NCAM1: variants seen among roughly 807,000 people sequenced by gnomAD.
NCAM1 encodes antigen recognized by monoclonal antibody 5.1H11.
In NCAM1, 14 loss-of-function variants were observed where a neutral mutation model predicts 109.8. The observed-to-expected ratio is 0.13, with a 90% confidence interval of 0.08 to 0.20. The LOEUF is 0.20. Among genes scored for constraint, NCAM1 ranks in the 10% least tolerant of loss-of-function variants. NCAM1 has a pLI of 1.00. For missense variants in NCAM1, 774 were observed against 1,109.9 expected (o/e 0.70, Z 4.30); for synonymous variants, 418 against 442.9 (o/e 0.94, Z 0.70).
At chr11:113,271,389 A>AG (rs1946268803) in intron 18 of NCAM1, among the ~76,000 whole-genome samples, 1 of 151,592 alleles carries the variant, frequency 6.6e-6, no homozygotes, top group Non-Finnish European at 1.5e-5. Flanking sequence ...AAAAAAAAAA[A>AG]AAAAAAAGAA....
chr11:113,161,683 T>C (rs1942604797), intron 1 of NCAM1, among the ~76,000 whole-genome samples: 1 of 152,208 alleles, frequency 6.6e-6, no homozygotes, highest in East Asian at 1.9e-4. Flanking sequence ...CCTTGTTTCC[T>C]CTTAAGCATG....
At chr11:113,023,149 A>G (rs1402927467) in intron 1 of NCAM1, among the ~76,000 whole-genome samples, 6 of 152,244 alleles carry the variant, frequency 3.9e-5, no homozygotes, top group African/African-American at 4.8e-5. Context: ...TTATGCAAAT[A>G]TCAGAGCGGC....
intron 1 of NCAM1, chr11:113,133,536 T>A (rs1310264880): frequency 2.0e-5 from 3 of 152,194 alleles, no homozygotes; most frequent in African/African-American, 7.2e-5. Flanking sequence ...CACTGGGAAT[T>A]TTTTTACTTT....
chr11:113,052,196 C>G (rs1268162120), intron 1 of NCAM1, among the ~76,000 whole-genome samples: 5 of 152,108 alleles, frequency 3.3e-5, no homozygotes, highest in Non-Finnish European at 5.9e-5. Flanking sequence ...CTGGTGATAC[C>G]TACCTAAGGG....
intron 1 of NCAM1, among the ~76,000 whole-genome samples, chr11:113,155,323 A>G (rs1408729547): frequency 7.9e-5 from 12 of 152,068 alleles, no homozygotes; most frequent in Admixed American, 7.9e-4. Flanking sequence ...TTCAAGACCA[A>G]CATAGTGAAA....
chr11:113,102,359 G>A (rs1939913287), intron 1 of NCAM1, among the ~76,000 whole-genome samples: 1 of 152,206 alleles, frequency 6.6e-6, no homozygotes, highest in Non-Finnish European at 1.5e-5. Flanking sequence ...AACTATTACA[G>A]CTACAAAGGC....
intron 14 of NCAM1, chr11:113,242,814 C>A: frequency 6.2e-7 from 1 of 1,613,960 alleles, no homozygotes; most frequent in Non-Finnish European, 8.5e-7. Flanking sequence ...GCAACTTGGC[C>A]TCTTCCTGCC....
At chr11:113,221,456 G>T (rs1944692225) in intron 9 of NCAM1, 131 bp downstream of exon 9, 3 of 925,148 alleles carry the variant, frequency 3.2e-6, no homozygotes, top group Non-Finnish European at 5.0e-6. Flanking sequence ...GATAGTGGTA[G>T]ACATTACTTA....
At chr11:113,018,138 A>G (rs534187529) in intron 1 of NCAM1, among the ~76,000 whole-genome samples, 9 of 151,822 alleles carry the variant, frequency 5.9e-5, no homozygotes, top group Non-Finnish European at 1.2e-4. Flanking sequence ...GTGGAATGCC[A>G]TGGCATATTC....
intron 1 of NCAM1, among the ~76,000 whole-genome samples, chr11:112,981,251 C>T (rs186055822): frequency 6.6e-6 from 1 of 151,756 alleles, no homozygotes. Flanking sequence ...ATTTTGTAAT[C>T]TTTCCTTCAT....
intron 1 of NCAM1, among the ~76,000 whole-genome samples, chr11:112,972,876 T>G (rs1233534918): frequency 6.6e-6 from 1 of 151,952 alleles, no homozygotes; most frequent in Non-Finnish European, 1.5e-5. Context: ...GGCTGCTAGT[T>G]TGGGTGACGG....
At chr11:113,074,783 C>A (rs1938452932) in intron 1 of NCAM1, among the ~76,000 whole-genome samples, 2 of 151,996 alleles carry the variant, frequency 1.3e-5, no homozygotes, top group South Asian at 4.1e-4. Context: ...AGGCCCATGC[C>A]ACCATGCCTG....
chr11:113,227,128 C>G (rs1944875833), intron 9 of NCAM1, among the ~76,000 whole-genome samples: 1 of 151,958 alleles, frequency 6.6e-6, no homozygotes, highest in South Asian at 2.1e-4. Context: ...TTCAAAAAAT[C>G]AATGAATCCA....
rs147954950 is a variant in NCAM1 at position 113,105,988 on chromosome 11, CTAAT to C, written c.53-96388_53-96385del. Reference sequence around the variant, plus strand: ...AATATCGTTTTGTCATCACCAAAAACTAATTAGTTTTTTGTATAACCAGTTACAC... The same window carrying C: ...AATATCGTTTTGTCATCACCAAAAACTAGTTTTTTGTATAACCAGTTACAC... On this transcript the variant is annotated intron_variant, in intron 1 of 19. Transcript: ENST00000316851. 6.9e-3 allele frequency among the ~76,000 whole-genome samples: 1,045 copies of C among 152,034 alleles called. 15 individuals are homozygous for C. The highest frequency in any genetic ancestry group is 0.023 in the African/African-American group (968 of 41,486).
chr11:113,129,902 G>T (rs1941322971), intron 1 of NCAM1, among the ~76,000 whole-genome samples: 1 of 152,200 alleles, frequency 6.6e-6, no homozygotes, highest in South Asian at 2.1e-4. Flanking sequence ...GGTAGCTTCA[G>T]GTTTTGCTGT....
chr11:113,052,759 T>A (rs1352248500), intron 1 of NCAM1, among the ~76,000 whole-genome samples: 2 of 152,178 alleles, frequency 1.3e-5, no homozygotes, highest in Non-Finnish European at 2.9e-5. Context: ...GGTAAACGTG[T>A]GCCATGGTGG....
chr11:113,253,425 C>T (rs1179949229), intron 15 of NCAM1, among the ~76,000 whole-genome samples: 6 of 152,010 alleles, frequency 3.9e-5, no homozygotes, highest in Admixed American at 2.0e-4. Flanking sequence ...AGTTGGTAGT[C>T]CGTGCTAGTG....
chr11:113,249,952 G>T (rs920217798), intron 15 of NCAM1, among the ~76,000 whole-genome samples: 2 of 152,088 alleles, frequency 1.3e-5, no homozygotes, highest in East Asian at 3.9e-4. Context: ...GTGTGGCTGC[G>T]GGGAGCTCAG....
At chr11:112,981,635 C>G (rs781800383) in intron 1 of NCAM1, among the ~76,000 whole-genome samples, 4 of 151,836 alleles carry the variant, frequency 2.6e-5, no homozygotes, top group African/African-American at 4.8e-5. Context: ...CTGTAGATCA[C>G]TTGCAAATTT....
Sources: allele counts gnomAD v4.1 joint callset (sites outside exome capture counted in the v4.1 genomes callset), GRCh38; gene constraint gnomAD v4.1.1; transcripts MANE v1.5; gene names NCBI Gene and HGNC (gene_info 2026-07-23, HGNC 2026-07-21).